The following BMP6 variants were observed in gnomAD, a reference collection of about 807,000 sequenced individuals.
BMP6 encodes the protein VG-1-R.
Under a neutral mutation model 54.1 loss-of-function variants are expected in BMP6, and 17 were observed. The ratio of observed to expected loss-of-function variants is 0.31; its 90% CI spans 0.22 to 0.47. The LOEUF (loss-of-function observed/expected upper bound fraction) is 0.47. Ranked by LOEUF, BMP6 falls within the 20% of genes least tolerant of loss-of-function variation. BMP6 has a pLI of 1.00. For missense variants in BMP6, 720 were observed against 690.4 expected (o/e 1.04, Z -0.48); for synonymous variants, 328 against 291.2 (o/e 1.13, Z -1.28).
intron 1 of BMP6, among the ~76,000 whole-genome samples, chr6:7,804,633 C>G (rs1029781910): frequency 6.6e-6 from 1 of 152,186 alleles, no homozygotes; most frequent in Non-Finnish European, 1.5e-5. Context: ...AAAATTCATT[C>G]ATTCATTTAG....
At chr6:7,756,321 A>G (rs992404335) in intron 1 of BMP6, among the ~76,000 whole-genome samples, 12 of 151,964 alleles carry the variant, frequency 7.9e-5, no homozygotes, top group African/African-American at 2.9e-4. Context: ...TGCATTTTTC[A>G]TTTGACTAAA....
At chr6:7,838,853 A>G (rs1271065496) in intron 1 of BMP6, among the ~76,000 whole-genome samples, 1 of 151,298 alleles carries the variant, frequency 6.6e-6, no homozygotes, top group African/African-American at 2.4e-5. Flanking sequence ...GAGGCAGGAG[A>G]ATGGCGTCAA....
intron 1 of BMP6, among the ~76,000 whole-genome samples, chr6:7,836,835 G>A (rs1192090832): frequency 6.6e-6 from 1 of 152,202 alleles, no homozygotes; most frequent in African/African-American, 2.4e-5. Flanking sequence ...ACAATTCAAG[G>A]TTATATGCTT....
At chr6:7,817,544 G>T (rs369967944) in intron 1 of BMP6, among the ~76,000 whole-genome samples, 2 of 146,376 alleles carry the variant, frequency 1.4e-5, no homozygotes, top group Non-Finnish European at 3.0e-5. Flanking sequence ...TGGACACAGG[G>T]CGGGGAACAT....
intron 4 of BMP6, among the ~76,000 whole-genome samples, chr6:7,864,371 G>T (rs1262205946): frequency 1.3e-5 from 2 of 152,162 alleles, no homozygotes; most frequent in Non-Finnish European, 2.9e-5. Context: ...TTGCAGATTT[G>T]CTGGAATTAA....
intron 3 of BMP6, 103 bp from the exon 4 acceptor site, chr6:7,862,198 A>T: frequency 7.5e-7 from 1 of 1,341,812 alleles, no homozygotes; most frequent in Non-Finnish European, 1.1e-6. Context: ...ACTCATTCTT[A>T]AGGATTAGCA....
chr6:7,875,925 A>G lies in BMP6; in HGVS notation c.1205-3149A>G, dbSNP rs530170223. Among the ~76,000 whole-genome samples, 19 of 152,250 alleles carry G rather than the reference A, an allele frequency of 1.2e-4. No individual in the cohort carries two copies. In the South Asian group the frequency reaches 2.9e-3, roughly 23 times the overall value. The stretch of plus-strand genomic sequence containing the variant: ...CACCCTAGACACTGGCTGCCGTACT[A>G]CCCATTCTTGATGTCACCTTTGAGT... On this transcript the variant is annotated intron_variant, in intron 4 of 6. Coordinates refer to ENST00000283147, the MANE Select transcript of BMP6 (RefSeq NM_001718.6).
chr6:7,839,543 T>C lies in BMP6; in HGVS notation c.665-5597T>C, dbSNP rs188262239. On this transcript the variant is annotated intron_variant, in intron 1 of 6. Coordinates refer to ENST00000283147, the MANE Select transcript of BMP6 (RefSeq NM_001718.6). ...GGATTTGACTAGGCTTGCTACCTCA[T>C]ATAAGTGGAATTATACAGTATTTGT... 4.2e-4 allele frequency among the ~76,000 whole-genome samples: 64 copies of C among 152,366 alleles called. 2 individuals are homozygous for C. In the East Asian group the frequency reaches 0.012, roughly 29 times the overall value.
intron 4 of BMP6, among the ~76,000 whole-genome samples, chr6:7,875,581 T>A (rs567452244): frequency 6.6e-6 from 1 of 152,098 alleles, no homozygotes; most frequent in East Asian, 1.9e-4. Context: ...AGTGGGAGGA[T>A]TGCTTGAGCC....
At chr6:7,834,214 AAAGT>A (rs1758837201) in intron 1 of BMP6, among the ~76,000 whole-genome samples, 3 of 151,560 alleles carry the variant, frequency 2.0e-5, no homozygotes, top group Non-Finnish European at 4.4e-5. Context: ...TTAGGAAAAA[AAAGT>A]AACCCAATTT....
intron 1 of BMP6, among the ~76,000 whole-genome samples, chr6:7,837,478 T>C (rs1456787405): frequency 1.3e-5 from 2 of 152,318 alleles, no homozygotes; most frequent in South Asian, 2.1e-4. Flanking sequence ...AAAAATGTTA[T>C]GGTAATAGTT....
At chr6:7,779,405 C>A (rs922494291) in intron 1 of BMP6, among the ~76,000 whole-genome samples, 2 of 152,088 alleles carry the variant, frequency 1.3e-5, no homozygotes, top group African/African-American at 4.8e-5. Context: ...GTGGTGTGAT[C>A]TTGGCTCACT....
intron 1 of BMP6, among the ~76,000 whole-genome samples, chr6:7,792,177 C>A (rs2113184981): frequency 6.6e-6 from 1 of 152,286 alleles, no homozygotes; most frequent in Admixed American, 6.5e-5. Context: ...GGAATCTCTT[C>A]TTACCTGGGA....
intron 1 of BMP6, among the ~76,000 whole-genome samples, chr6:7,730,151 C>T (rs921796534): frequency 2.6e-5 from 4 of 152,106 alleles, no homozygotes; most frequent in African/African-American, 7.2e-5. Flanking sequence ...TCCAAATTCC[C>T]CTTATTCCTT....
At chr6:7,765,676 A>G (rs1259667235) in intron 1 of BMP6, among the ~76,000 whole-genome samples, 1 of 152,206 alleles carries the variant, frequency 6.6e-6, no homozygotes, top group East Asian at 1.9e-4. Flanking sequence ...GCTGTCACAA[A>G]TTACCACAAA....
intron 1 of BMP6, among the ~76,000 whole-genome samples, chr6:7,801,330 C>T (rs1041692644): frequency 6.6e-6 from 1 of 152,214 alleles, no homozygotes; most frequent in African/African-American, 2.4e-5. Context: ...AGTGCTTCAT[C>T]GCTGAGCGGT....
chr6:7,787,706 A>T (rs529948386), intron 1 of BMP6, among the ~76,000 whole-genome samples: 1 of 152,344 alleles, frequency 6.6e-6, no homozygotes, highest in Admixed American at 6.5e-5. Flanking sequence ...TTAGGTTGGC[A>T]TGAAGATTCT....
chr6:7,793,184 A>G (rs185387620), intron 1 of BMP6, among the ~76,000 whole-genome samples: 7 of 152,232 alleles, frequency 4.6e-5, no homozygotes, highest in Non-Finnish European at 5.9e-5. Flanking sequence ...ACGATGGGCT[A>G]TTCTTCAGCA....
At chr6:7,862,623 A>G in intron 4 of BMP6, 125 bp downstream of exon 4, 1 of 1,211,766 alleles carries the variant, frequency 8.3e-7, no homozygotes, top group South Asian at 1.4e-5. Context: ...AATAGGTGTC[A>G]TATGCATGAT....
Sources: gnomAD v4.1 joint callset for allele counts (sites outside exome capture counted in the v4.1 genomes callset) on GRCh38, gnomAD v4.1.1 for gene constraint, MANE v1.5 for transcripts, NCBI Gene and HGNC (gene_info 2026-07-23, HGNC 2026-07-21) for gene names.